PCNX3: variants seen among roughly 807,000 people sequenced by gnomAD.
PCNX3 encodes pecanex 3.
In PCNX3, 58 loss-of-function variants were observed where a neutral mutation model predicts 207.2. That is an observed-to-expected ratio of 0.28 (90% CI 0.23 to 0.35). The LOEUF is 0.35. Ranked by LOEUF, PCNX3 falls within the 10% of genes least tolerant of loss-of-function variation. PCNX3 has a pLI of 1.00. For missense variants in PCNX3, 2,410 were observed against 2,774.4 expected (o/e 0.87, Z 2.95); for synonymous variants, 1,337 against 1,183.5 (o/e 1.13, Z -2.66).
In PCNX3 at chr11:65,624,323, C is replaced by T. The variant is rs901453179; in HGVS notation, c.2673C>T (p.Leu891=). The T allele has an allele frequency of 3.8e-5, 59 of 1,564,088 alleles. No homozygotes were observed. Among genetic ancestry groups the T allele is most frequent in the Non-Finnish European group, 4.9e-5 (56 of 1,153,924 alleles). ...CTGTCTCCCTCTACGGCCTCACGCT[C>T]TTCTCTGCCTCCTTCTTCTTCTGTG... ...FPPVSLYGLT[L]FSASFFFCAR... is the part of the protein sequence containing the mutation. The change falls in exon 14 of 35, where the codon CTC becomes CTT. Residue 891 remains leucine (L), a synonymous_variant. Transcript: ENST00000355703.
chr11:65,634,604 C>T lies in PCNX3; in HGVS notation c.4768C>T (p.Arg1590Trp). 6.2e-7 allele frequency: 1 copy of T among 1,603,584 alleles called. No homozygotes were observed. The highest frequency in any genetic ancestry group is 8.5e-7 in the Non-Finnish European group (1 of 1,178,810). Reference sequence around the variant, plus strand: ...TTTTGGCCTGTGTGTGCTGGGCCGCCGGGCCCTGGGGACAGCCTCTCACAG... The same window carrying T: ...TTTTGGCCTGTGTGTGCTGGGCCGCTGGGCCCTGGGGACAGCCTCTCACAG... ...LCFGLCVLGR[R>W]ALGTASHSMS... Residue 1590 changes from arginine (R) to tryptophan (W), a missense_variant, in exon 29 of 35, where the codon CGG (arginine) becomes TGG (tryptophan). By Grantham distance (101) the Arg-to-Trp change is moderately radical. Around this residue, in one of 8 missense-constraint regions of PCNX3, gnomAD observed 420 missense variants for 705.3 expected, o/e 0.60. Coordinates refer to ENST00000355703, the MANE Select transcript of PCNX3 (RefSeq NM_032223.4).
chr11:65,635,849 G>T lies in PCNX3; in HGVS notation c.5459+46G>T. 1.3e-6 allele frequency: 2 copies of T among 1,559,606 alleles called. No individual in the cohort carries two copies. The highest frequency in any genetic ancestry group is 2.3e-5 in the East Asian group (1 of 43,708). On this transcript the variant is annotated intron_variant, in intron 32 of 34. Coordinates refer to ENST00000355703, the MANE Select transcript of PCNX3 (RefSeq NM_032223.4). This position sits in a 1 kb window ranked among gnomAD's most constrained non-coding sequence, Gnocchi z 9.9. ...GACGTGTGGCGCGGGAGGAAGCTGAGGTGCAGTACGTCCCTCCTGGGTCTC... is the reference window on the plus strand; with the variant it reads ...GACGTGTGGCGCGGGAGGAAGCTGATGTGCAGTACGTCCCTCCTGGGTCTC...
chr11:65,617,063 C>T (rs1436252402), intron 2 of PCNX3, 52 bp downstream of exon 2: 43 of 1,526,684 alleles, frequency 2.8e-5, no homozygotes, highest in African/African-American at 5.5e-5. Context: ...GTGCCTGGGC[C>T]GGAACCTTGC....
chr11:65,623,570 A>G lies in PCNX3; in HGVS notation c.2437A>G (p.Lys813Glu). The G allele has an allele frequency of 6.2e-7, 1 of 1,613,974 alleles. No homozygotes were observed. The highest frequency in any genetic ancestry group is 8.5e-7 in the Non-Finnish European group (1 of 1,179,866). ...CTTCCTGGGCTACCTGCTGCTGCTCAAGGGCTTCTTCACTGACATCTGGGT... is the reference window on the plus strand; with the variant it reads ...CTTCCTGGGCTACCTGCTGCTGCTCGAGGGCTTCTTCACTGACATCTGGGT... ...VAFLGYLLLL[K>E]GFFTDIWVFQ... The change falls in exon 12 of 35, where the codon AAG becomes GAG. Residue 813 changes from lysine to glutamate, a missense_variant. Lys to Glu is a moderately conservative substitution (Grantham distance 56). Around this residue, in one of 8 missense-constraint regions of PCNX3, gnomAD observed 177 missense variants for 257.5 expected, o/e 0.69. Transcript: ENST00000355703.
At chr11:65,624,425 G>A (rs374635561) in intron 14 of PCNX3, 46 bp from the exon 15 acceptor site, 11 of 1,554,038 alleles carry the variant, frequency 7.1e-6, no homozygotes, top group South Asian at 4.7e-5. Flanking sequence ...GGTGGGCCGC[G>A]GAAAGCCAGC....
In PCNX3 at chr11:65,624,972, C is replaced by G; in HGVS notation, c.2875C>G (p.Leu959Val). The change falls in exon 16 of 35, where the codon CTG becomes GTG. Residue 959 changes from leucine to valine, a missense_variant. By Grantham distance (32) the Leu-to-Val change is conservative (BLOSUM62 1). Around this residue, in one of 8 missense-constraint regions of PCNX3, gnomAD observed 333 missense variants for 386.8 expected, o/e 0.86. Coordinates refer to ENST00000355703, the MANE Select transcript of PCNX3 (RefSeq NM_032223.4). ...TAVFSLSRSL[L>V]AAALLYGFCL... ...AGTCTTCAGCCTCTCCCGCAGCCTG[C>G]TGGCTGCTGCCCTGCTCTACGGTTT... is the stretch of plus-strand genomic sequence containing the variant. 6.2e-7 allele frequency: 1 copy of G among 1,612,622 alleles called. No individual in the cohort carries two copies. The highest frequency in any genetic ancestry group is 8.5e-7 in the Non-Finnish European group (1 of 1,179,590).
At chr11:65,622,870 G>A (rs1486044859) in intron 11 of PCNX3, among the ~76,000 whole-genome samples, 2 of 152,114 alleles carry the variant, frequency 1.3e-5, no homozygotes, top group African/African-American at 4.8e-5. Context: ...CCAAAGTGCT[G>A]GGATTACAGG....
At chr11:65,636,033 T>C in intron 32 of PCNX3, 141 bp from the exon 33 acceptor site, 1 of 1,339,726 alleles carries the variant, frequency 7.5e-7, no homozygotes, top group East Asian at 2.5e-5. Context: ...CTCTGCAAAG[T>C]AGGTGGCAGC....
intron 1 of PCNX3, 47 bp from the exon 2 acceptor site, chr11:65,616,776 TG>T (rs759242135): frequency 6.3e-7 from 1 of 1,575,292 alleles, no homozygotes; most frequent in Non-Finnish European, 8.7e-7. Flanking sequence ...GTACATCCTG[TG>T]GGGGCGAGGC....
At position 65,618,125 on chromosome 11, in the gene PCNX3, A is replaced by T; in HGVS notation, c.763A>T (p.Thr255Ser). 6.2e-7 allele frequency: 1 copy of T among 1,611,574 alleles called. No individual in the cohort carries two copies. Among genetic ancestry groups the T allele is most frequent in the East Asian group, 2.2e-5 (1 of 44,814 alleles). Residue 255 changes from threonine (T) to serine (S), a missense_variant, in exon 6 of 35, where the codon ACC (threonine) becomes TCC (serine). This residue lies in a region of PCNX3 where 1,104 missense variants were observed against 970.3 expected (regional missense o/e 1.14). Transcript: ENST00000355703. Reference protein sequence around the residue: ...LSQELSKSFLTLTQPDRALVR... With the variant: ...LSQELSKSFLSLTQPDRALVR... ...CCAGGAGCTGAGCAAGAGCTTCCTG[A>T]CCCTGACCCAGCCTGACCGGGCCCT...
rs1855317206 is a variant in PCNX3 at position 65,625,156 on chromosome 11, G to A, written c.2920-15G>A. ...TTACCTCACCTCCCCTGACCAGCAT[G>A]GATTCTCTCCGCAGACTCCGTGGCC... is the stretch of plus-strand genomic sequence containing the variant. On this transcript the variant is annotated splice_polypyrimidine_tract_variant and intron_variant, in intron 16 of 34. Transcript: ENST00000355703. This position sits in a 1 kb window ranked among gnomAD's most constrained non-coding sequence, Gnocchi z 5.6. 6.3e-7 allele frequency: 1 copy of A among 1,594,104 alleles called. No homozygotes were observed. Among genetic ancestry groups the A allele is most frequent in the African/African-American group, 1.3e-5 (1 of 74,546 alleles).
chr11:65,627,356 A>C, intron 21 of PCNX3, 49 bp from the exon 22 acceptor site: 1 of 1,576,854 alleles, frequency 6.3e-7, no homozygotes, highest in Non-Finnish European at 8.6e-7. Context: ...ACCTATACCC[A>C]CTGCCCCGGT....
At position 65,619,951 on chromosome 11, in the gene PCNX3, C is replaced by G. The variant is rs139785423; in HGVS notation, c.2008+19C>G. On this transcript the variant is annotated intron_variant, in intron 8 of 34. Transcript: ENST00000355703. ...GAGAGCGGTGAGCCTTTCCCAAGCCCGGTGGCCCAGTGCCTCCCCGCCTTC... is the reference window on the plus strand; with the variant it reads ...GAGAGCGGTGAGCCTTTCCCAAGCCGGGTGGCCCAGTGCCTCCCCGCCTTC... 18 of 1,585,146 alleles carry G rather than the reference C, an allele frequency of 1.1e-5. 1 individual carries two copies. In the Middle Eastern group the frequency reaches 1.3e-3, roughly 118 times the overall value.
chr11:65,624,086 A>C lies in PCNX3; in HGVS notation c.2545-109A>C. The C allele has an allele frequency of 1.9e-6, 3 of 1,567,794 alleles. No homozygotes were observed. In the South Asian group the frequency reaches 3.4e-5, roughly 18 times the overall value. Reference sequence around the variant, plus strand: ...CCACCCCCATCACCCCCACCTGGCCAGGCTCTCCAGCTTGGACCCAGGGCC... The same window carrying C: ...CCACCCCCATCACCCCCACCTGGCCCGGCTCTCCAGCTTGGACCCAGGGCC... On this transcript the variant is annotated intron_variant, in intron 13 of 34. Transcript: ENST00000355703.
In PCNX3 at chr11:65,616,765, G is replaced by A; in HGVS notation, c.154-59G>A. ...AATCCCAGCTATGATGTTGATGGCA[G>A]GTACATCCTGTGGGGGCGAGGCTTT... is the stretch of plus-strand genomic sequence containing the variant. On this transcript the variant is annotated intron_variant, in intron 1 of 34. Transcript: ENST00000355703. 2.6e-6 allele frequency: 4 copies of A among 1,548,552 alleles called. No individual in the cohort carries two copies. The Admixed American group carries it at 5.4e-5, about 21-fold the overall frequency.
At chr11:65,627,182 C>T in intron 21 of PCNX3, 134 bp downstream of exon 21, 2 of 1,296,348 alleles carry the variant, frequency 1.5e-6, no homozygotes, top group Non-Finnish European at 2.1e-6. Context: ...CAGCTCCTGA[C>T]ACGCCATCCC....
In PCNX3 at chr11:65,637,035, G is replaced by C. The variant is rs547773662; in HGVS notation, c.*57G>C. 314 of 1,505,806 alleles carry C rather than the reference G, an allele frequency of 2.1e-4. 2 individuals are homozygous for C. In the African/African-American group the frequency reaches 3.9e-3, roughly 19 times the overall value. The allele number at this position is 1,505,806 out of a possible 1,614,324, so 93.3% of individuals were successfully genotyped here. A position where few individuals can be genotyped will look rare whatever the true frequency, so the allele number is the denominator to read the frequency against. On this transcript the variant is annotated 3_prime_UTR_variant, in exon 35 of 35. Transcript: ENST00000355703. ...GATTCAGTAACGGACCTGCTCTGCTGCCTCTCTGCTGGACCACAGAACTGA... is the reference window on the plus strand; with the variant it reads ...GATTCAGTAACGGACCTGCTCTGCTCCCTCTCTGCTGGACCACAGAACTGA...
intron 1 of PCNX3, among the ~76,000 whole-genome samples, 159 bp downstream of exon 1, chr11:65,616,623 C>G (rs548421255): frequency 3.3e-5 from 5 of 152,168 alleles, no homozygotes; most frequent in Non-Finnish European, 7.4e-5. Flanking sequence ...TTTCTTGGAT[C>G]GAGTGACCTT....
intron 23 of PCNX3, 44 bp from the exon 24 acceptor site, chr11:65,628,775 G>GGGGGGGGGGGGGGGGGGGGC: frequency 2.0e-6 from 3 of 1,500,466 alleles, no homozygotes; most frequent in East Asian, 2.4e-5. Flanking sequence ...GTGGTGGGGG[G>GGGGGGGGGGGGGGGGGGGGC]CTGGGAGGTC....
Sources: gnomAD v4.1 joint callset for allele counts (sites outside exome capture counted in the v4.1 genomes callset) on GRCh38, gnomAD v4.1.1 for gene constraint, gnomAD v4.1.1 regional missense constraint, Gnocchi (gnomAD v3.1) non-coding constraint, MANE v1.5 for transcripts, NCBI Gene and HGNC (gene_info 2026-07-23, HGNC 2026-07-21) for gene names.